The following EEF1A2 variants were observed in gnomAD, a reference collection of about 807,000 sequenced individuals.
EEF1A2 encodes eukaryotic translation elongation factor 1 alpha 2, also known as elongation factor 1-alpha 2.
In EEF1A2, 5 loss-of-function variants were observed where a neutral mutation model predicts 39.3. The observed-to-expected ratio is 0.13, with a 90% confidence interval of 0.07 to 0.27. The LOEUF is 0.27. EEF1A2 is among the 10% of genes least tolerant of loss of function. The pLI, the probability that EEF1A2 is intolerant of heterozygous loss-of-function variation, is 1.00. For missense variants in EEF1A2, 218 were observed against 681.4 expected (o/e 0.32, Z 7.57); for synonymous variants, 287 against 293.7 (o/e 0.98, Z 0.23).
chr20:63,492,734 AT>A (rs2082395647), intron 5 of EEF1A2, among the ~76,000 whole-genome samples: 1 of 145,326 alleles, frequency 6.9e-6, no homozygotes. Flanking sequence ...GGATGGATGG[AT>A]GGATGGATTG....
Position 63,490,653 on chromosome 20 carries a change from G to A in EEF1A2, c.855C>T (p.Ile285=). ...TCTCCACTGACTTCACCTCAGTGGT[G>A]ATGTTCACTGGCGCAAAGGTCACCA... The part of the protein sequence containing the change: ...GMVVTFAPVN[I]TTEVKSVEMH... The change falls in exon 6 of 8, where the codon ATC becomes ATT. Residue 285 remains isoleucine (I), a synonymous_variant. Transcript: ENST00000217182. 6.2e-7 allele frequency: 1 copy of A among 1,612,386 alleles called. No individual in the cohort carries two copies. Among genetic ancestry groups the A allele is most frequent in the Non-Finnish European group, 8.5e-7 (1 of 1,179,874 alleles).
intron 5 of EEF1A2, among the ~76,000 whole-genome samples, chr20:63,491,866 GTGGATGGATAGATGGATGGATGGA>G (rs1170333119): frequency 5.0e-5 from 5 of 99,316 alleles, no homozygotes; most frequent in East Asian, 3.3e-4. Context: ...GGATGGGGAG[GTGGATGGATAGATGGATGGATGGA>G]TGGATGGATG....
chr20:63,495,832 C>A, intron 3 of EEF1A2, 24 bp downstream of exon 3: 1 of 1,610,158 alleles, frequency 6.2e-7, no homozygotes, highest in Non-Finnish European at 8.5e-7. Context: ...TCTCCCCCAG[C>A]CCCGCCTGCT....
chr20:63,496,261 G>A (rs2082416307), intron 2 of EEF1A2: 1 of 582,278 alleles, frequency 1.7e-6, no homozygotes, highest in African/African-American at 1.9e-5. Flanking sequence ...AATGGGCGCG[G>A]CTACGCAGGT....
chr20:63,489,998 C>T (rs1331779002), intron 6 of EEF1A2: 1 of 159,834 alleles, frequency 6.3e-6, no homozygotes, highest in East Asian at 1.8e-4. Context: ...GGCCTGCACC[C>T]CTCCCAGAAC....
At chr20:63,493,080 G>A in intron 5 of EEF1A2, 57 bp downstream of exon 5, 2 of 1,525,778 alleles carry the variant, frequency 1.3e-6, no homozygotes, top group Admixed American at 2.1e-5. Context: ...AGGGGCCCCT[G>A]GTCTAGGGCA....
At chr20:63,496,308 G>A (rs533980305) in intron 2 of EEF1A2, 3 of 497,268 alleles carry the variant, frequency 6.0e-6, no homozygotes, top group African/African-American at 3.9e-5. Context: ...GGAGTCGCTC[G>A]CTCTACGAGC....
At chr20:63,489,418 G>C (rs2082368195) in intron 6 of EEF1A2, among the ~76,000 whole-genome samples, 1 of 152,176 alleles carries the variant, frequency 6.6e-6, no homozygotes, top group Non-Finnish European at 1.5e-5. Context: ...CTGGAACTAA[G>C]GCGGGGGGGT....
In EEF1A2 at chr20:63,493,098, C is replaced by G. The variant is rs200917604; in HGVS notation, c.772+39G>C. 50 of 1,537,724 alleles carry G rather than the reference C, an allele frequency of 3.3e-5. No homozygotes were observed. In the East Asian group the frequency reaches 1.2e-3, roughly 36 times the overall value. On this transcript the variant is annotated intron_variant, in intron 5 of 7. Transcript: ENST00000217182. ...GGCCCCTGGTCTAGGGCAGGCAGAG[C>G]TGGCCAGGCAGGAGCTCCAGCACAG...
rs1267603214 is a variant in EEF1A2, at chr20:63,499,060, G to C, written c.-74C>G. On this transcript the variant is annotated splice_region_variant and 5_prime_UTR_variant, in exon 1 of 8. Transcript: ENST00000217182. The stretch of plus-strand genomic sequence containing the variant: ...GCCCGGGGGCCGAGCGTCCTTACCC[G>C]GAGCCGAGGTCTCAGCCAGAGGGAC... 2.7e-5 allele frequency: 4 copies of C among 147,528 alleles called. No individual in the cohort carries two copies. The East Asian group carries it at 8.1e-4, about 30-fold the overall frequency. The allele number at this position is 147,528 out of a possible 1,614,324, so 9.1% of individuals were successfully genotyped here.
chr20:63,491,277 C>A (rs748751497), intron 5 of EEF1A2, among the ~76,000 whole-genome samples: 9 of 152,244 alleles, frequency 5.9e-5, no homozygotes, highest in Admixed American at 1.3e-4. Context: ...CTAAAGGGGC[C>A]TCTCAGCCAG....
chr20:63,497,497 C>T lies in EEF1A2; in HGVS notation c.144+123G>A. On this transcript the variant is annotated intron_variant, in intron 2 of 7. Coordinates refer to ENST00000217182, the MANE Select transcript of EEF1A2 (RefSeq NM_001958.5). This position sits in a 1 kb window ranked among gnomAD's most constrained non-coding sequence, Gnocchi z 7.3. ...GCCTGAGTGCCCCACAGCGGGGGTC[C>T]CTCCTGCCCTGGAGGAGGTCACCTG... 1 of 1,451,290 alleles carries T rather than the reference C, an allele frequency of 6.9e-7. No homozygotes were observed. The highest frequency in any genetic ancestry group is 9.2e-7 in the Non-Finnish European group (1 of 1,086,718). 89.9% of individuals were successfully genotyped at this position (1,451,290 alleles called of 1,614,324 possible).
chr20:63,491,035 G>C (rs1357189825), intron 5 of EEF1A2, among the ~76,000 whole-genome samples: 1 of 152,252 alleles, frequency 6.6e-6, no homozygotes, highest in East Asian at 1.9e-4. Flanking sequence ...GATGGGCAGA[G>C]AGGGGCTGTC....
chr20:63,490,533 C>T lies in EEF1A2; in HGVS notation c.975G>A (p.Val325=). Residue 325 remains valine, a synonymous_variant, in exon 6 of 8, where the codon GTG becomes GTA. Coordinates refer to ENST00000217182, the MANE Select transcript of EEF1A2 (RefSeq NM_001958.5). ...VSVKDIRRGN[V]CGDSKSDPPQ... is the part of the protein sequence containing the mutation. ...GCGGGTCAGACTTGCTGTCCCCACA[C>T]ACGTTGCCCCGCCGGATGTCCTTCA... 1 of 1,612,744 alleles carries T rather than the reference C, an allele frequency of 6.2e-7. No individual in the cohort carries two copies. Among genetic ancestry groups the T allele is most frequent in the Non-Finnish European group, 8.5e-7 (1 of 1,179,922 alleles).
Position 63,493,237 on chromosome 20 carries a change from G to A in EEF1A2, c.672C>T (p.Ser224=), listed in dbSNP as rs200051020. 1.0e-4 allele frequency: 158 copies of A among 1,546,270 alleles called. No individual in the cohort carries two copies. The Admixed American group carries it at 1.7e-3, about 17-fold the overall frequency. The stretch of plus-strand genomic sequence containing the variant: ...CCAGGGCCTCCAGCAGGGACACGCC[G>A]CTTGCGTTGCCCTCCTTACGCTCCA... The part of the protein sequence containing the change: ...WKVERKEGNA[S]GVSLLEALDT... The change falls in exon 5 of 8, where the codon AGC becomes AGT. Residue 224 remains serine (S), a synonymous_variant. Coordinates refer to ENST00000217182, the MANE Select transcript of EEF1A2 (RefSeq NM_001958.5).
At chr20:63,495,689 T>C (rs1281600439) in intron 3 of EEF1A2, among the ~76,000 whole-genome samples, 167 bp downstream of exon 3, 1 of 152,158 alleles carries the variant, frequency 6.6e-6, no homozygotes, top group South Asian at 2.1e-4. Context: ...GATTCATCCT[T>C]AGGGGGGCTC....
intron 4 of EEF1A2, among the ~76,000 whole-genome samples, chr20:63,493,672 G>C (rs1462426351): frequency 6.6e-6 from 1 of 152,206 alleles, no homozygotes; most frequent in African/African-American, 2.4e-5. Flanking sequence ...GGCCAGGCCA[G>C]GGACAGAGCT....
Position 63,494,805 on chromosome 20 carries a change from G to A in EEF1A2, c.621C>T (p.Asn207=), listed in dbSNP as rs544401782. The change falls in exon 4 of 8, where the codon AAC becomes AAT. Residue 207 remains asparagine (N), a splice_region_variant and synonymous_variant. Coordinates refer to ENST00000217182, the MANE Select transcript of EEF1A2 (RefSeq NM_001958.5). ...HGDNMLEPSP[N]MPWFKGWKVE... is the part of the protein sequence containing the mutation. ...CCGCCCCGCCCTAGCCGCCACTCACGTTGGGGGAGGGCTCCAGCATGTTGT... is the reference window on the plus strand; with the variant it reads ...CCGCCCCGCCCTAGCCGCCACTCACATTGGGGGAGGGCTCCAGCATGTTGT... 43 of 1,608,450 alleles carry A rather than the reference G, an allele frequency of 2.7e-5. No individual in the cohort carries two copies. The highest frequency in any genetic ancestry group is 2.5e-4 in the African/African-American group (19 of 74,866).
intron 3 of EEF1A2, 123 bp from the exon 4 acceptor site, chr20:63,495,224 G>A (rs1471303775): frequency 1.4e-6 from 2 of 1,391,610 alleles, no homozygotes; most frequent in Non-Finnish European, 1.9e-6. Flanking sequence ...AGCCCACTGG[G>A]GCCTTGGGGA....
Sources: gnomAD v4.1 joint callset for allele counts (sites outside exome capture counted in the v4.1 genomes callset) on GRCh38, gnomAD v4.1.1 for gene constraint, Gnocchi (gnomAD v3.1) non-coding constraint, MANE v1.5 for transcripts, NCBI Gene and HGNC (gene_info 2026-07-23, HGNC 2026-07-21) for gene names.